The following RELN variants were observed in gnomAD, a reference collection of about 807,000 sequenced individuals.
The protein encoded by RELN is reelin.
RELN carries 108 observed loss-of-function variants against 427.6 expected under a neutral mutation model. That is an observed-to-expected ratio of 0.25 (90% CI 0.22 to 0.30). The LOEUF is 0.30. RELN is among the 10% of genes least tolerant of loss of function. RELN has a pLI of 1.00. For synonymous variants in RELN, 1,524 were observed against 1,513.4 expected, an observed-to-expected ratio of 1.01 and a Z score of -0.16; for missense variants, 3,715 against 4,302.8, an observed-to-expected ratio of 0.86 and a Z score of 3.82.
At chr7:103,926,681 G>T (rs1462340441) in intron 1 of RELN, among the ~76,000 whole-genome samples, 1 of 122,324 alleles carries the variant, frequency 8.2e-6, no homozygotes, top group Non-Finnish European at 1.6e-5. Context: ...GTCTCCCTCT[G>T]TCGCCCAGGC....
chr7:103,640,713 T>C lies in RELN; in HGVS notation c.2003-104A>G, dbSNP rs1832679086. 2 of 1,166,908 alleles carry C rather than the reference T, an allele frequency of 1.7e-6. No homozygotes were observed. Among genetic ancestry groups the C allele is most frequent in the Admixed American group, 3.9e-5 (2 of 51,646 alleles). 72.3% of individuals were successfully genotyped at this position (1,166,908 alleles called of 1,614,324 possible). A position where few individuals can be genotyped will look rare whatever the true frequency, so the allele number is the denominator to read the frequency against. On this transcript the variant is annotated intron_variant, in intron 16 of 64. Transcript: ENST00000428762. The surrounding 1 kb of genome is among the most constrained non-coding windows in gnomAD (Gnocchi z 4.1). Reference sequence around the variant, plus strand: ...AATATGGCCCCTTGTGTGTATGTTGTGTGCAGGAACCCAGGGTGACATATG... The same window carrying C: ...AATATGGCCCCTTGTGTGTATGTTGCGTGCAGGAACCCAGGGTGACATATG...
chr7:103,523,569 G>A lies in RELN; in HGVS notation c.7350-38C>T, dbSNP rs375082675. The A allele has an allele frequency of 3.1e-6, 5 of 1,612,624 alleles. No homozygotes were observed. The African/African-American group carries it at 5.3e-5, about 17-fold the overall frequency. On this transcript the variant is annotated intron_variant, in intron 46 of 64. Coordinates refer to ENST00000428762, the MANE Select transcript of RELN (RefSeq NM_005045.4). ...TGAGAATTTTAATGAAGGATGCTGT[G>A]GAAAAGAAAATGTGTTCCAGTATGT...
chr7:103,962,323 G>A (rs1796574216), intron 1 of RELN, among the ~76,000 whole-genome samples: 2 of 151,886 alleles, frequency 1.3e-5, no homozygotes, highest in Admixed American at 1.3e-4. Flanking sequence ...CCCCATACAC[G>A]CAGCACTTCA....
chr7:103,635,335 A>C (rs906123405), intron 19 of RELN, 90 bp downstream of exon 19: 2 of 1,452,778 alleles, frequency 1.4e-6, no homozygotes, highest in Non-Finnish European at 1.9e-6. Context: ...TCAATGGAAA[A>C]ATATCTAGAA....
chr7:103,631,085 TA>T (rs1278513556), intron 19 of RELN, among the ~76,000 whole-genome samples: 1 of 151,850 alleles, frequency 6.6e-6, no homozygotes, highest in Non-Finnish European at 1.5e-5. Flanking sequence ...GAAAAATAAT[TA>T]CCTATTTTTC....
At chr7:103,725,449 G>A (rs1485054233) in intron 7 of RELN, among the ~76,000 whole-genome samples, 1 of 152,160 alleles carries the variant, frequency 6.6e-6, no homozygotes, top group African/African-American at 2.4e-5. Context: ...CAGCTACTTA[G>A]GAGGCTGAGG....
At chr7:103,918,597 G>A (rs1006354081) in intron 1 of RELN, among the ~76,000 whole-genome samples, 2 of 152,094 alleles carry the variant, frequency 1.3e-5, no homozygotes, top group African/African-American at 4.8e-5. Context: ...GATATATCTC[G>A]AGTGTCTAGA....
At chr7:103,493,343 T>C (rs935081873) in intron 57 of RELN, among the ~76,000 whole-genome samples, 3 of 152,226 alleles carry the variant, frequency 2.0e-5, no homozygotes, top group Non-Finnish European at 4.4e-5. Flanking sequence ...CATTTCAAGC[T>C]AGTTACTAGG....
In RELN at chr7:103,515,367, T is replaced by A; in HGVS notation, c.7937A>T (p.Asp2646Val). 10 of 1,614,154 alleles carry A rather than the reference T, an allele frequency of 6.2e-6. No individual in the cohort carries two copies. The highest frequency in any genetic ancestry group is 8.5e-6 in the Non-Finnish European group (10 of 1,180,022). ...TRFRWWQPRHDGLDQNDWAID... is the reference protein window; with the variant it reads ...TRFRWWQPRHVGLDQNDWAID... ...GGCCCAGTCGTTCTGATCCAGGCCG[T>A]CATGTCTTGGCTGCCACCAGCGGAA... The change falls in exon 50 of 65, where the codon GAC becomes GTC. Residue 2646 changes from aspartate (D) to valine (V), a missense_variant. Asp to Val is a radical substitution (Grantham distance 152). Transcript: ENST00000428762.
chr7:103,878,140 A>G (rs569874413), intron 2 of RELN, among the ~76,000 whole-genome samples: 38 of 152,196 alleles, frequency 2.5e-4, no homozygotes, highest in African/African-American at 8.7e-4. Context: ...TACAGGCGTG[A>G]GCAACTGTGC....
intron 1 of RELN, among the ~76,000 whole-genome samples, chr7:103,939,445 C>T (rs981994690): frequency 6.6e-6 from 1 of 151,924 alleles, no homozygotes; most frequent in Non-Finnish European, 1.5e-5. Flanking sequence ...ATCAAAAAGC[C>T]CAAGATAAAT....
At chr7:103,873,352 A>G (rs1331720934) in intron 2 of RELN, among the ~76,000 whole-genome samples, 2 of 135,272 alleles carry the variant, frequency 1.5e-5, no homozygotes, top group Admixed American at 1.5e-4. Flanking sequence ...AAATAACTAA[A>G]ATCAGAGCAG....
intron 2 of RELN, among the ~76,000 whole-genome samples, chr7:103,879,794 G>T (rs1287225900): frequency 6.6e-6 from 1 of 152,078 alleles, no homozygotes; most frequent in Non-Finnish European, 1.5e-5. Flanking sequence ...TTTTCTTTAG[G>T]ACATATTTTA....
chr7:103,607,220 T>C (rs1831842025), intron 22 of RELN, among the ~76,000 whole-genome samples: 1 of 152,036 alleles, frequency 6.6e-6, no homozygotes, highest in Admixed American at 6.6e-5. Flanking sequence ...GTTGTGCACA[T>C]GTACCCTAAA....
chr7:103,532,340 G>C (rs531562729), intron 46 of RELN, among the ~76,000 whole-genome samples: 1 of 152,168 alleles, frequency 6.6e-6, no homozygotes, highest in South Asian at 2.1e-4. Context: ...ATAGCTAATG[G>C]ATGCTGGGCT....
At chr7:103,826,627 T>G (rs1210705423) in intron 3 of RELN, among the ~76,000 whole-genome samples, 3 of 152,010 alleles carry the variant, frequency 2.0e-5, no homozygotes, top group African/African-American at 7.2e-5. Flanking sequence ...TTTGACTGTG[T>G]AGGCAGTTTG....
chr7:103,852,577 G>A (rs1793849598), intron 2 of RELN, among the ~76,000 whole-genome samples: 1 of 151,938 alleles, frequency 6.6e-6, no homozygotes, highest in Non-Finnish European at 1.5e-5. Context: ...AACTTTTTAG[G>A]AGCCCTAAAT....
At chr7:103,663,896 T>C (rs570313052) in intron 11 of RELN, among the ~76,000 whole-genome samples, 5 of 152,056 alleles carry the variant, frequency 3.3e-5, no homozygotes, top group Non-Finnish European at 7.4e-5. Flanking sequence ...TGGATGGTCT[T>C]ATATAGAGGA....
chr7:103,761,696 T>A (rs2116133301), intron 4 of RELN, among the ~76,000 whole-genome samples: 1 of 152,016 alleles, frequency 6.6e-6, no homozygotes, highest in Admixed American at 6.5e-5. Flanking sequence ...GCTCAAGCAA[T>A]CCACCCGCCT....
Sources: gnomAD v4.1 joint callset for allele counts (sites outside exome capture counted in the v4.1 genomes callset) on GRCh38, gnomAD v4.1.1 for gene constraint, Gnocchi (gnomAD v3.1) non-coding constraint, MANE v1.5 for transcripts, NCBI Gene and HGNC (gene_info 2026-07-23, HGNC 2026-07-21) for gene names.